The following SMARCC1 variants were observed in gnomAD, a reference collection of about 807,000 sequenced individuals.
SMARCC1 encodes SWI/SNF related BAF chromatin remodeling complex subunit C1.
SMARCC1 carries 43 observed loss-of-function variants against 147.4 expected under a neutral mutation model. The observed-to-expected ratio is 0.29, with a 90% CI of 0.23 to 0.38. The LOEUF (loss-of-function observed/expected upper bound fraction) is 0.38, where lower values mean the gene tolerates loss of function less well. Among genes scored for constraint, SMARCC1 ranks in the 10% least tolerant of loss-of-function variants. The pLI is 1.00. For synonymous variants in SMARCC1, 495 were observed against 484.4 expected, an observed-to-expected ratio of 1.02 and a Z score of -0.29; for missense variants, 1,119 against 1,381.1, an observed-to-expected ratio of 0.81 and a Z score of 3.01.
chr3:47,641,405 A>G (rs578228485), intron 21 of SMARCC1, among the ~76,000 whole-genome samples: 3 of 152,162 alleles, frequency 2.0e-5, no homozygotes, highest in Non-Finnish European at 2.9e-5. Flanking sequence ...GGATCGCCTG[A>G]GCCTGGGAGG....
rs2032074930 is a variant in SMARCC1 at position 47,586,551 on chromosome 3, T to A, written c.*1658A>T. The A allele has an allele frequency of 6.6e-6, 1 of 152,624 alleles. No homozygotes were observed. Among genetic ancestry groups the A allele is most frequent in the South Asian group, 2.1e-4 (1 of 4,826 alleles). 9.5% of individuals were successfully genotyped at this position (152,624 alleles called of 1,614,324 possible). On this transcript the variant is annotated 3_prime_UTR_variant, in exon 28 of 28. Transcript: ENST00000254480. ...ACCTGGTTAGAGGCAAACCTGAGGG[T>A]TTGAAAGGCAAATCTCAATTGTGGT...
chr3:47,678,782 GA>G (rs2033603818), intron 15 of SMARCC1, among the ~76,000 whole-genome samples: 1 of 152,206 alleles, frequency 6.6e-6, no homozygotes, highest in Non-Finnish European at 1.5e-5. Context: ...AGTTGTTAGA[GA>G]ATATGTCCTA....
intron 4 of SMARCC1, among the ~76,000 whole-genome samples, chr3:47,736,716 AAAT>A (rs1431930709): frequency 6.6e-6 from 1 of 152,012 alleles, no homozygotes; most frequent in African/African-American, 2.4e-5. Context: ...TAAATAAAAA[AAAT>A]AAAAAATAGC....
chr3:47,720,009 T>C (rs912621881), intron 7 of SMARCC1, among the ~76,000 whole-genome samples: 2 of 152,034 alleles, frequency 1.3e-5, no homozygotes, highest in East Asian at 1.9e-4. Flanking sequence ...AGTGCTGCGA[T>C]TACAGGCATG....
chr3:47,764,667 A>G (rs2034815218), intron 2 of SMARCC1, among the ~76,000 whole-genome samples: 1 of 152,198 alleles, frequency 6.6e-6, no homozygotes, highest in Non-Finnish European at 1.5e-5. Context: ...CTAACTGGTC[A>G]TGCTACATCA....
chr3:47,733,196 C>T (rs2034396830), intron 5 of SMARCC1, among the ~76,000 whole-genome samples: 1 of 152,222 alleles, frequency 6.6e-6, no homozygotes, highest in Non-Finnish European at 1.5e-5. Flanking sequence ...AATGTAAGCA[C>T]ATGCTGTTGG....
intron 26 of SMARCC1, among the ~76,000 whole-genome samples, 159 bp from the exon 27 acceptor site, chr3:47,590,996 G>T (rs1033462486): frequency 6.6e-6 from 1 of 152,150 alleles, no homozygotes; most frequent in African/African-American, 2.4e-5. Flanking sequence ...TTAGCTTTTT[G>T]TATTCTGGGT....
chr3:47,662,114 C>A (rs906705570), intron 20 of SMARCC1, among the ~76,000 whole-genome samples: 8 of 152,032 alleles, frequency 5.3e-5, no homozygotes, highest in Non-Finnish European at 8.8e-5. Context: ...CCTGCCTCAG[C>A]CTCCCAAGTA....
chr3:47,769,906 T>A (rs2034886518), intron 2 of SMARCC1, among the ~76,000 whole-genome samples: 1 of 152,096 alleles, frequency 6.6e-6, no homozygotes. Flanking sequence ...GGGCAAATCC[T>A]AAATGGATAA....
chr3:47,751,613 T>C (rs1037319969), intron 2 of SMARCC1, among the ~76,000 whole-genome samples: 1 of 151,804 alleles, frequency 6.6e-6, no homozygotes, highest in African/African-American at 2.4e-5. Flanking sequence ...AGTAGTGTAA[T>C]CCCAGCACTT....
At chr3:47,697,637 T>A (rs534678825) in intron 11 of SMARCC1, among the ~76,000 whole-genome samples, 2,354 of 146,688 alleles carry the variant, frequency 0.016, 59 homozygotes, top group African/African-American at 0.049. Context: ...AAAAAAAAAA[T>A]TCCAAACTCA....
intron 5 of SMARCC1, among the ~76,000 whole-genome samples, chr3:47,730,467 TGA>T (rs1038560973): frequency 6.6e-6 from 1 of 152,144 alleles, no homozygotes; most frequent in Non-Finnish European, 1.5e-5. Flanking sequence ...GGCAATACAG[TGA>T]GAGAGACCCT....
intron 2 of SMARCC1, among the ~76,000 whole-genome samples, chr3:47,746,780 G>C (rs1010634036): frequency 6.7e-6 from 1 of 148,290 alleles, no homozygotes; most frequent in African/African-American, 2.5e-5. Flanking sequence ...GCCCAGGCTG[G>C]AGTGCAATGG....
chr3:47,618,731 A>G (rs2032684348), intron 25 of SMARCC1, among the ~76,000 whole-genome samples: 1 of 152,160 alleles, frequency 6.6e-6, no homozygotes, highest in African/African-American at 2.4e-5. Context: ...TGCTATTCTT[A>G]GGGGACAGAC....
chr3:47,774,333 C>A (rs2034949431), intron 1 of SMARCC1, among the ~76,000 whole-genome samples: 1 of 150,934 alleles, frequency 6.6e-6, no homozygotes, highest in Non-Finnish European at 1.5e-5. Context: ...AAAAAATTAG[C>A]TGGGTGTGGT....
intron 17 of SMARCC1, 107 bp downstream of exon 17, chr3:47,676,522 G>A: frequency 1.3e-6 from 1 of 779,754 alleles, no homozygotes; most frequent in South Asian, 1.9e-5. Context: ...CAAAGAAATA[G>A]CACTAATAAT....
rs2033765671 is a variant in SMARCC1 at position 47,689,415 on chromosome 3, T to C, written c.1235A>G (p.Asp412Gly). 2 of 1,613,268 alleles carry C rather than the reference T, an allele frequency of 1.2e-6. No individual in the cohort carries two copies. The highest frequency in any genetic ancestry group is 1.7e-6 in the Non-Finnish European group (2 of 1,179,380). The change falls in exon 13 of 28, where the codon GAT becomes GGT. Residue 412 changes from aspartate (D) to glycine (G), a missense_variant. Asp to Gly is a moderately conservative substitution (Grantham distance 94, BLOSUM62 -1). Coordinates refer to ENST00000254480, the MANE Select transcript of SMARCC1 (RefSeq NM_003074.4). ...TCCTCCTGCTGTGACTGTTTCTTCA[T>C]CCTGCTCATCTGCAAAACCAAAACA... ...GGTVADLDEQ[D>G]EETVTAGGKE...
chr3:47,687,771 T>C (rs2033743132), intron 13 of SMARCC1, among the ~76,000 whole-genome samples: 1 of 152,176 alleles, frequency 6.6e-6, no homozygotes, highest in East Asian at 1.9e-4. Context: ...ACTCAGCACT[T>C]TTTATTAAAA....
chr3:47,761,669 A>G (rs989030741), intron 2 of SMARCC1, among the ~76,000 whole-genome samples: 1 of 152,112 alleles, frequency 6.6e-6, no homozygotes, highest in African/African-American at 2.4e-5. Context: ...CTATATGCTA[A>G]TCTGTTTTCT....
Sources: gnomAD v4.1 joint callset for allele counts (sites outside exome capture counted in the v4.1 genomes callset) on GRCh38, gnomAD v4.1.1 for gene constraint, MANE v1.5 for transcripts, NCBI Gene and HGNC (gene_info 2026-07-23, HGNC 2026-07-21) for gene names.